Variants in TAFA5 observed in about 807,000 individuals in gnomAD.
TAFA5 encodes the protein chemokine-like protein TAFA-5.
TAFA5 carries 6 observed loss-of-function variants against 15.3 expected under a neutral mutation model. The observed-to-expected ratio is 0.39, with a 90% CI of 0.21 to 0.77. The LOEUF is 0.77. Among genes scored for constraint, TAFA5 ranks in the 30% least tolerant of loss-of-function variants. The probability of loss-of-function intolerance (pLI) is 0.41; values close to 1 mark genes in which losing one functional copy is unlikely to be tolerated. For missense variants in TAFA5, 161 were observed against 193.1 expected (o/e 0.83, Z 0.98); for synonymous variants, 103 against 80.7 (o/e 1.28, Z -1.48).
At chr22:48,518,382 G>A (rs1921488168) in intron 1 of TAFA5, among the ~76,000 whole-genome samples, 3 of 152,182 alleles carry the variant, frequency 2.0e-5, no homozygotes, top group African/African-American at 7.2e-5. Context: ...ACAAAGAGGT[G>A]CCCGTCCTCC....
intron 1 of TAFA5, among the ~76,000 whole-genome samples, chr22:48,503,089 C>T (rs916815233): frequency 2.6e-5 from 4 of 152,286 alleles, no homozygotes; most frequent in South Asian, 2.1e-4. Flanking sequence ...GGCTCATTTT[C>T]GGGGTTCTGT....
At chr22:48,599,322 G>A (rs189522111) in intron 1 of TAFA5, among the ~76,000 whole-genome samples, 6 of 152,282 alleles carry the variant, frequency 3.9e-5, no homozygotes, top group East Asian at 3.9e-4. Flanking sequence ...TCCGTAACAC[G>A]CAGAAGACAC....
chr22:48,738,198 C>T (rs1357620453), intron 3 of TAFA5, among the ~76,000 whole-genome samples: 1 of 152,166 alleles, frequency 6.6e-6, no homozygotes, highest in East Asian at 1.9e-4. Flanking sequence ...GGGAGCCCAG[C>T]ATGGGGAGGG....
intron 1 of TAFA5, among the ~76,000 whole-genome samples, chr22:48,569,980 A>T (rs558000174): frequency 2.6e-4 from 39 of 152,356 alleles, no homozygotes; most frequent in African/African-American, 8.7e-4. Context: ...CCGCGGTGCC[A>T]GAGGCCTCCC....
chr22:48,565,429 G>C (rs1010124389), intron 1 of TAFA5, among the ~76,000 whole-genome samples: 1 of 152,226 alleles, frequency 6.6e-6, no homozygotes, highest in Non-Finnish European at 1.5e-5. Flanking sequence ...GCAAATGCAT[G>C]ATGCTCTGTT....
At chr22:48,617,613 G>A (rs1409630077) in intron 1 of TAFA5, among the ~76,000 whole-genome samples, 1 of 152,244 alleles carries the variant, frequency 6.6e-6, no homozygotes, top group Non-Finnish European at 1.5e-5. Context: ...GCCCATGAAA[G>A]AAACTGGGGA....
At chr22:48,576,221 G>C (rs1328627177) in intron 1 of TAFA5, 2 of 338,700 alleles carry the variant, frequency 5.9e-6, no homozygotes, top group Admixed American at 5.7e-5. Context: ...GCCGCGGCCC[G>C]AGACTTTCTG....
chr22:48,727,849 T>C (rs6587310), intron 3 of TAFA5, among the ~76,000 whole-genome samples: 41,471 of 152,210 alleles, frequency 0.27, 6,259 homozygotes, highest in African/African-American at 0.38. Context: ...GACACGTTTA[T>C]GCCTTACAGT....
At position 48,506,491 on chromosome 22, in the gene TAFA5, C is replaced by T. The variant is rs184314825; in HGVS notation, c.112+16787C>T. Among the ~76,000 whole-genome samples, 122 of 152,264 alleles carry T rather than the reference C, an allele frequency of 8.0e-4. 1 individual carries two copies. In the East Asian group the frequency reaches 0.013, roughly 17 times the overall value. On this transcript the variant is annotated intron_variant, in intron 1 of 3. Coordinates refer to ENST00000402357, the MANE Select transcript of TAFA5 (RefSeq NM_001082967.3). ...CATGTCCAGGGTGTAGGGCTCTTCC[C>T]GGCAGTGGATCGTCTATCTGAGACC...
At chr22:48,734,479 C>T (rs1219579638) in intron 3 of TAFA5, among the ~76,000 whole-genome samples, 1 of 152,220 alleles carries the variant, frequency 6.6e-6, no homozygotes, top group African/African-American at 2.4e-5. Flanking sequence ...CAGGTGTCCT[C>T]GTCCTGCTGG....
intron 3 of TAFA5, among the ~76,000 whole-genome samples, chr22:48,718,068 AGGGCAG>A (rs1205482491): frequency 6.6e-6 from 1 of 152,170 alleles, no homozygotes; most frequent in Non-Finnish European, 1.5e-5. Context: ...TTGCATGGCC[AGGGCAG>A]GGCTGCTGCG....
chr22:48,669,520 C>T (rs73175131), intron 2 of TAFA5, among the ~76,000 whole-genome samples: 10,120 of 152,288 alleles, frequency 0.066, 596 homozygotes, highest in African/African-American at 0.16. Flanking sequence ...GAATGAGTGA[C>T]CCTGAAGTGC....
intron 2 of TAFA5, among the ~76,000 whole-genome samples, chr22:48,678,429 GA>G (rs1928046363): frequency 6.6e-6 from 1 of 152,228 alleles, no homozygotes; most frequent in Non-Finnish European, 1.5e-5. Flanking sequence ...GCCCTGTGCA[GA>G]GGAACCAGGA....
chr22:48,613,004 T>G (rs28660539), intron 1 of TAFA5, among the ~76,000 whole-genome samples: 64,349 of 152,096 alleles, frequency 0.42, 14,580 homozygotes, highest in South Asian at 0.49. Flanking sequence ...GGGCTCCTCC[T>G]CTGGCATCCC....
chr22:48,600,958 G>A (rs970634683), intron 1 of TAFA5, among the ~76,000 whole-genome samples: 23 of 152,166 alleles, frequency 1.5e-4, no homozygotes, highest in African/African-American at 3.4e-4. Context: ...CCCTCTCCGC[G>A]GTCACGGTGC....
rs1930486484 is a variant in TAFA5, at chr22:48,751,314, C to T, written c.*1467C>T. 2 of 152,458 alleles carry T rather than the reference C, an allele frequency of 1.3e-5. No individual in the cohort carries two copies. The highest frequency in any genetic ancestry group is 1.5e-5 in the Non-Finnish European group (1 of 68,046). The allele number at this position is 152,458 out of a possible 1,614,324, so 9.4% of individuals were successfully genotyped here. ...CTTCGTGTCACTAGGTCCAGAAAGT[C>T]GCGCCGGGCAGAGGCGCAGGCGGGG... On this transcript the variant is annotated 3_prime_UTR_variant, in exon 4 of 4. Transcript: ENST00000402357.
chr22:48,623,565 G>A (rs1185636348), intron 1 of TAFA5, among the ~76,000 whole-genome samples: 1 of 152,224 alleles, frequency 6.6e-6, no homozygotes, highest in Non-Finnish European at 1.5e-5. Context: ...TGGAGGAAGG[G>A]GGCGGCTCAT....
chr22:48,719,814 A>T (rs1282480795), intron 3 of TAFA5, among the ~76,000 whole-genome samples: 1 of 152,198 alleles, frequency 6.6e-6, no homozygotes, highest in Non-Finnish European at 1.5e-5. Context: ...ATTTTAATAG[A>T]TTCTGTGTGT....
chr22:48,571,050 T>C (rs910141766), intron 1 of TAFA5, among the ~76,000 whole-genome samples: 1 of 152,130 alleles, frequency 6.6e-6, no homozygotes, highest in African/African-American at 2.4e-5. Context: ...TAGATCAGCT[T>C]TTTCTATAAG....
Sources: gnomAD v4.1 joint callset for allele counts (sites outside exome capture counted in the v4.1 genomes callset) on GRCh38, gnomAD v4.1.1 for gene constraint, MANE v1.5 for transcripts, NCBI Gene and HGNC (gene_info 2026-07-23, HGNC 2026-07-21) for gene names.